The following EED variants were observed in gnomAD, a reference collection of about 807,000 sequenced individuals.
EED encodes polycomb protein EED.
In EED, 9 loss-of-function variants were observed where a neutral mutation model predicts 61.0. The ratio of observed to expected loss-of-function variants is 0.15; its 90% CI spans 0.09 to 0.26. The LOEUF (loss-of-function observed/expected upper bound fraction) is 0.26. Among genes scored for constraint, EED ranks in the 10% least tolerant of loss-of-function variants. The probability of loss-of-function intolerance (pLI) is 1.00; values close to 1 mark genes in which losing one functional copy is unlikely to be tolerated. For missense variants in EED, 315 were observed against 542.3 expected (o/e 0.58, Z 4.16); for synonymous variants, 187 against 174.4 (o/e 1.07, Z -0.57).
At chr11:86,256,353 A>T (rs763345233) in intron 4 of EED, 34 bp from the exon 5 acceptor site, 1 of 1,494,334 alleles carries the variant, frequency 6.7e-7, no homozygotes, top group South Asian at 1.4e-5. Context: ...TCTTTTTCAA[A>T]AACATTATGT....
intron 5 of EED, among the ~76,000 whole-genome samples, chr11:86,256,979 C>T (rs1387403074): frequency 2.6e-5 from 4 of 152,040 alleles, no homozygotes; most frequent in East Asian, 1.9e-4. Context: ...TAAAACCCTA[C>T]GCATATTGGA....
intron 2 of EED, among the ~76,000 whole-genome samples, chr11:86,251,435 G>T (rs972630318): frequency 6.6e-6 from 1 of 152,156 alleles, no homozygotes; most frequent in Non-Finnish European, 1.5e-5. Context: ...CTTTTCAAAT[G>T]ATGAGAAAAC....
rs146327240 is a variant in EED, at chr11:86,270,002, G to A, written c.966+1441G>A. On this transcript the variant is annotated intron_variant, in intron 9 of 11. Coordinates refer to ENST00000263360, the MANE Select transcript of EED (RefSeq NM_003797.5). ...TGTGGACTTAAGTTTTCATTTCTCT[G>A]GGTAAATGCCTAGGAGGGCAATTGC... is the stretch of plus-strand genomic sequence containing the variant. 2,179 of 623,734 alleles carry A rather than the reference G, an allele frequency of 3.5e-3. 55 individuals carry two copies. Among genetic ancestry groups the A allele is most frequent in the Non-Finnish European group, 4.8e-4 (167 of 346,372 alleles). 38.6% of individuals were successfully genotyped at this position (623,734 alleles called of 1,614,324 possible).
intron 3 of EED, among the ~76,000 whole-genome samples, chr11:86,253,589 A>G (rs1228709732): frequency 1.3e-5 from 2 of 152,244 alleles, no homozygotes; most frequent in African/African-American, 2.4e-5. Flanking sequence ...CAATTACCAC[A>G]TAAGACATAA....
Position 86,278,681 on chromosome 11 carries a change from C to A in EED, c.*156C>A. ...TAGTGATGTTTACATTGTTTACATT[C>A]TTTGTACTGTCTTCCTGCTCAGACT... On this transcript the variant is annotated 3_prime_UTR_variant, in exon 12 of 12. Coordinates refer to ENST00000263360, the MANE Select transcript of EED (RefSeq NM_003797.5). The A allele has an allele frequency of 2.2e-6, 2 of 917,256 alleles. No homozygotes were observed. Among genetic ancestry groups the A allele is most frequent in the Non-Finnish European group, 3.0e-6 (2 of 660,890 alleles). 56.8% of individuals were successfully genotyped at this position (917,256 alleles called of 1,614,324 possible).
At chr11:86,247,625 A>G (rs1486394272) in intron 1 of EED, among the ~76,000 whole-genome samples, 8 of 152,096 alleles carry the variant, frequency 5.3e-5, no homozygotes, top group Non-Finnish European at 1.0e-4. Flanking sequence ...TTAAGATGCA[A>G]TTTTTTTTCC....
At position 86,245,063 on chromosome 11, in the gene EED, A is replaced by C. The variant is rs1160499937; in HGVS notation, c.-167A>C. 1 of 535,364 alleles carries C rather than the reference A, an allele frequency of 1.9e-6. No individual in the cohort carries two copies. Among genetic ancestry groups the C allele is most frequent in the Non-Finnish European group, 3.3e-6 (1 of 306,752 alleles). 33.2% of individuals were successfully genotyped at this position (535,364 alleles called of 1,614,324 possible). A position where few individuals can be genotyped will look rare whatever the true frequency, so the allele number is the denominator to read the frequency against. ...TTTTTCAGCAGTGTGGCGGGGTCGC[A>C]CGCACGCCCGCCTCGGCGGCTGGGC... On this transcript the variant is annotated 5_prime_UTR_variant, in exon 1 of 12. Transcript: ENST00000263360.
chr11:86,260,775 C>T (rs1258960900), intron 6 of EED, among the ~76,000 whole-genome samples: 3 of 152,030 alleles, frequency 2.0e-5, no homozygotes, highest in Non-Finnish European at 4.4e-5. Context: ...ATATTTCCAT[C>T]AAATTAGGTT....
At chr11:86,257,139 G>A (rs995840426) in intron 5 of EED, among the ~76,000 whole-genome samples, 11 of 151,410 alleles carry the variant, frequency 7.3e-5, no homozygotes, top group Non-Finnish European at 1.6e-4. Context: ...GGGCTCAAGC[G>A]ATCCTCCTGC....
chr11:86,274,968 A>T (rs541083533), intron 9 of EED, among the ~76,000 whole-genome samples: 7 of 152,228 alleles, frequency 4.6e-5, no homozygotes, highest in African/African-American at 1.7e-4. Context: ...TGTTGTCTGA[A>T]AATTTTGTCC....
intron 10 of EED, 164 bp from the exon 11 acceptor site, chr11:86,277,754 T>C (rs1022548523): frequency 8.3e-6 from 4 of 484,044 alleles, no homozygotes; most frequent in South Asian, 7.0e-5. Flanking sequence ...ATTGCTCTTA[T>C]TCATATTTAC....
At chr11:86,261,868 G>A (rs2138182577) in intron 6 of EED, among the ~76,000 whole-genome samples, 1 of 152,298 alleles carries the variant, frequency 6.6e-6, no homozygotes, top group South Asian at 2.1e-4. Context: ...TCCCATGGGT[G>A]CTACTCTGGA....
At chr11:86,263,968 G>T (rs555775142) in intron 6 of EED, 4 of 521,642 alleles carry the variant, frequency 7.7e-6, no homozygotes, top group Non-Finnish European at 1.4e-5. Context: ...CATGCTTTTG[G>T]GGGGGCCTAT....
Position 86,250,337 on chromosome 11 carries a change from C to T in EED, c.156C>T (p.Arg52=). ...VSIESGTNTE[R]PDTPTNTPNA... ...TAGAAAGTGGTACAAACACTGAACG[C>T]CCTGATACACCTACAAACACGCCAA... The change falls in exon 2 of 12, where the codon CGC becomes CGT. Residue 52 remains arginine, a synonymous_variant. Coordinates refer to ENST00000263360, the MANE Select transcript of EED (RefSeq NM_003797.5). 1.2e-6 allele frequency: 2 copies of T among 1,605,934 alleles called. No homozygotes were observed. The highest frequency in any genetic ancestry group is 1.7e-6 in the Non-Finnish European group (2 of 1,176,674).
At chr11:86,268,627 A>ATG in intron 9 of EED, 66 bp downstream of exon 9, 1 of 405,102 alleles carries the variant, frequency 2.5e-6, no homozygotes, top group Non-Finnish European at 3.8e-6. Flanking sequence ...GTGTGTGTGT[A>ATG]TGTGTGTGCG....
intron 5 of EED, 49 bp downstream of exon 5, chr11:86,256,561 C>A (rs778786820): frequency 1.4e-6 from 2 of 1,466,322 alleles, no homozygotes; most frequent in Non-Finnish European, 1.8e-6. Context: ...GAATCCACAA[C>A]TGTAAAAACT....
In EED at chr11:86,244,950, CCG is replaced by C; in HGVS notation, c.-279_-278del. ...AACGGACCTTACATCGTGTAGACTG[CCG>C]GGAGGGCGGCGGGAAAAGGGCAAGA... On this transcript the variant is annotated 5_prime_UTR_variant, in exon 1 of 12. Transcript: ENST00000263360. The C allele has an allele frequency of 6.3e-5, 25 of 394,636 alleles. No homozygotes were observed. Among genetic ancestry groups the C allele is most frequent in the South Asian group, 1.4e-4 (4 of 29,476 alleles). 24.4% of individuals were successfully genotyped at this position (394,636 alleles called of 1,614,324 possible). A position where few individuals can be genotyped will look rare whatever the true frequency, so the allele number is the denominator to read the frequency against.
chr11:86,256,531 A>G lies in EED; in HGVS notation c.552+19A>G. On this transcript the variant is annotated intron_variant, in intron 5 of 11. Coordinates refer to ENST00000263360, the MANE Select transcript of EED (RefSeq NM_003797.5). ...TATAAAGGTGGGTTTTTCTGGTTAA[A>G]TTGTAGATCTGCTTCTTTTGAATCC... 6.5e-7 allele frequency: 1 copy of G among 1,537,372 alleles called. No individual in the cohort carries two copies.
chr11:86,250,515 A>G (rs1167742995), intron 2 of EED, 67 bp downstream of exon 2: 2 of 1,422,758 alleles, frequency 1.4e-6, no homozygotes, highest in Admixed American at 2.7e-5. Flanking sequence ...TGTGGCACGC[A>G]TTTCGTACTC....
Sources: gnomAD v4.1 joint callset for allele counts (sites outside exome capture counted in the v4.1 genomes callset) on GRCh38, gnomAD v4.1.1 for gene constraint, MANE v1.5 for transcripts, NCBI Gene and HGNC (gene_info 2026-07-23, HGNC 2026-07-21) for gene names.